The following GMEB1 variants were observed in gnomAD, a reference collection of about 807,000 sequenced individuals.
The protein encoded by GMEB1 is glucocorticoid modulatory element binding protein 1.
A neutral mutation model predicts 52.4 loss-of-function variants in GMEB1; 6 were observed. The ratio of observed to expected loss-of-function variants is 0.11; its 90% confidence interval spans 0.06 to 0.23. The LOEUF (loss-of-function observed/expected upper bound fraction) is 0.23, where lower values mean the gene tolerates loss of function less well. Ranked by LOEUF, GMEB1 falls within the 10% of genes least tolerant of loss-of-function variation. The pLI is 1.00. For synonymous variants in GMEB1, 255 were observed against 244.9 expected (o/e 1.04, Z -0.38); for missense variants, 486 against 685.6 (o/e 0.71, Z 3.25).
chr1:28,699,343 G>A (rs1432900461), intron 6 of GMEB1, among the ~76,000 whole-genome samples: 1 of 152,120 alleles, frequency 6.6e-6, no homozygotes, highest in Non-Finnish European at 1.5e-5. Flanking sequence ...CTCAACTACT[G>A]TTACAAGACT....
intron 9 of GMEB1, among the ~76,000 whole-genome samples, 178 bp downstream of exon 9, chr1:28,710,820 A>G (rs575055406): frequency 4.0e-4 from 60 of 151,884 alleles, no homozygotes; most frequent in Admixed American, 6.6e-4. Context: ...AAAGAGGCAC[A>G]AAGGAAAAAA....
intron 6 of GMEB1, 75 bp downstream of exon 6, chr1:28,697,159 GTACATATATATA>G (rs1557512833): frequency 1.6e-5 from 3 of 190,272 alleles, no homozygotes; most frequent in Non-Finnish European, 8.9e-6. Context: ...TCCCTTGTGT[GTACATATATATA>G]TATATATATA....
In GMEB1 at chr1:28,714,287, A is replaced by T. The variant is rs16837667; in HGVS notation, c.1206A>T (p.Pro402=). The part of the protein sequence containing the change: ...FTVISPITIT[P]VGQSFSMGNI... Reference sequence around the variant, plus strand: ...TCATCTCACCCATCACCATCACCCCAGTGGGTCAGTCATTTTCCATGGGCA... The same window carrying T: ...TCATCTCACCCATCACCATCACCCCTGTGGGTCAGTCATTTTCCATGGGCA... Residue 402 remains proline (P), a synonymous_variant, in exon 10 of 10, where the codon CCA becomes CCT. Transcript: ENST00000373816. 131 of 1,613,998 alleles carry T rather than the reference A, an allele frequency of 8.1e-5. No individual in the cohort carries two copies. The highest frequency in any genetic ancestry group is 1.1e-4 in the Non-Finnish European group (130 of 1,180,024).
chr1:28,690,121 C>G lies in GMEB1; in HGVS notation c.146C>G (p.Ser49Trp). The G allele has an allele frequency of 6.2e-7, 1 of 1,602,230 alleles. No individual in the cohort carries two copies. Among genetic ancestry groups the G allele is most frequent in the Non-Finnish European group, 8.5e-7 (1 of 1,173,832 alleles). ...PVQQGIYEAG[S>W]ENNTAVVAVE... The stretch of plus-strand genomic sequence containing the variant: ...TACAACAGGATTTATGAAGCTGGGT[C>G]GGAGAACAACACGGCAGTTGTAGCA... Residue 49 changes from serine (S) to tryptophan (W), a missense_variant, in exon 3 of 10, where the codon TCG becomes TGG. Transcript: ENST00000373816.
chr1:28,698,932 C>A (rs754450374), intron 6 of GMEB1, among the ~76,000 whole-genome samples: 2 of 151,860 alleles, frequency 1.3e-5, no homozygotes, highest in African/African-American at 4.8e-5. Context: ...TGCAGTGAGC[C>A]GAGATCGTCC....
intron 6 of GMEB1, among the ~76,000 whole-genome samples, chr1:28,698,497 A>G (rs1427955388): frequency 1.3e-5 from 2 of 150,978 alleles, no homozygotes; most frequent in Non-Finnish European, 2.9e-5. Flanking sequence ...AACACGGTGG[A>G]ACCCTGTCTC....
chr1:28,690,755 C>T (rs1350295049), intron 3 of GMEB1, among the ~76,000 whole-genome samples: 1 of 151,756 alleles, frequency 6.6e-6, no homozygotes. Context: ...CTGAGGCAGG[C>T]GGATCACCTG....
rs571199502 is a variant in GMEB1 at position 28,708,453 on chromosome 1, C to T, written c.869-2067C>T. ...TGCTGGGATTACAGGCATGAGCCACCGTGCCTGGCCCAATTTTGTTTTTTT... is the reference window on the plus strand; with the variant it reads ...TGCTGGGATTACAGGCATGAGCCACTGTGCCTGGCCCAATTTTGTTTTTTT... On this transcript the variant is annotated intron_variant, in intron 8 of 9. Coordinates refer to ENST00000373816, the MANE Select transcript of GMEB1 (RefSeq NM_001319674.2). Among the ~76,000 whole-genome samples, 17 of 151,724 alleles carry T rather than the reference C, an allele frequency of 1.1e-4. No individual in the cohort carries two copies. The East Asian group carries it at 1.4e-3, about 12-fold the overall frequency.
At chr1:28,693,087 G>C in intron 5 of GMEB1, 42 bp downstream of exon 5, 2 of 973,506 alleles carry the variant, frequency 2.1e-6, no homozygotes, top group Non-Finnish European at 1.5e-6. Flanking sequence ...ACAAACTTTG[G>C]GGCACATAAT....
At position 28,684,743 on chromosome 1, in the gene GMEB1, G is replaced by T. The variant is rs148306125; in HGVS notation, c.128+1003G>T. ...AACACACACTGGGGCCTGTTGGGGG[G>T]TGAGGGGGTGATGAGAGGGAACCTA... On this transcript the variant is annotated intron_variant, in intron 2 of 9. Transcript: ENST00000373816. 7.6e-3 allele frequency among the ~76,000 whole-genome samples: 1,158 copies of T among 152,108 alleles called. 20 individuals are homozygous for T. The highest frequency in any genetic ancestry group is 0.026 in the African/African-American group (1,064 of 41,492).
chr1:28,700,444 G>A (rs948398972), intron 6 of GMEB1, among the ~76,000 whole-genome samples: 3 of 151,372 alleles, frequency 2.0e-5, no homozygotes, highest in Non-Finnish European at 4.4e-5. Context: ...AACTCGGGAG[G>A]TGGAGCTTGC....
chr1:28,693,177 A>G lies in GMEB1; in HGVS notation c.440+132A>G, dbSNP rs1670041611. The G allele has an allele frequency of 9.7e-6, 4 of 410,874 alleles. No homozygotes were observed. In the East Asian group the frequency reaches 1.1e-4, roughly 12 times the overall value. The allele number at this position is 410,874 out of a possible 1,614,324, so 25.5% of individuals were successfully genotyped here. A position where few individuals can be genotyped will look rare whatever the true frequency, so the allele number is the denominator to read the frequency against. ...AATTGGCTTGAGCAATCCGTGCATT[A>G]TTTGACTTTAATCAACTTAAAAATC... On this transcript the variant is annotated intron_variant, in intron 5 of 9. Transcript: ENST00000373816.
Position 28,702,458 on chromosome 1 carries a change from A to C in GMEB1, c.619A>C (p.Ile207Leu). ...TTTAGGTAGCATCACGCAGATTGCC[A>C]TCTCAGAAGAGAGCATGGAAGAGGC... ...SADGSITQIA[I>L]SEESMEEAGL... Residue 207 changes from isoleucine to leucine, a missense_variant, in exon 7 of 10, where the codon ATC becomes CTC. Coordinates refer to ENST00000373816, the MANE Select transcript of GMEB1 (RefSeq NM_001319674.2). The C allele has an allele frequency of 6.2e-7, 1 of 1,613,706 alleles. No individual in the cohort carries two copies. The highest frequency in any genetic ancestry group is 2.2e-5 in the East Asian group (1 of 44,858).
At chr1:28,681,706 C>CT (rs966710916) in intron 1 of GMEB1, among the ~76,000 whole-genome samples, 5 of 151,058 alleles carry the variant, frequency 3.3e-5, no homozygotes, top group Admixed American at 6.6e-5. Context: ...TCTGACTACA[C>CT]TTTTTTTTTC....
At chr1:28,692,892 G>C (rs773698776) in intron 4 of GMEB1, 50 bp from the exon 5 acceptor site, 2 of 920,332 alleles carry the variant, frequency 2.2e-6, no homozygotes, top group South Asian at 1.5e-5. Context: ...TCCCCTCTTG[G>C]CCTGCCTAAG....
In GMEB1 at chr1:28,714,699, G is replaced by C. The variant is rs1427302235; in HGVS notation, c.1618G>C (p.Glu540Gln). 3 of 1,614,186 alleles carry C rather than the reference G, an allele frequency of 1.9e-6. No homozygotes were observed. The highest frequency in any genetic ancestry group is 1.7e-6 in the Non-Finnish European group (2 of 1,180,030). Residue 540 changes from glutamate (E) to glutamine (Q), a missense_variant, in exon 10 of 10, where the codon GAG becomes CAG. Coordinates refer to ENST00000373816, the MANE Select transcript of GMEB1 (RefSeq NM_001319674.2). ...VILETELRTEEKVVAEMEEHQ... is the reference protein window; with the variant it reads ...VILETELRTEQKVVAEMEEHQ... Reference sequence around the variant, plus strand: ...CTTGGAGACAGAGCTGAGGACTGAGGAGAAAGTTGTGGCTGAGATGGAAGA... The same window carrying C: ...CTTGGAGACAGAGCTGAGGACTGAGCAGAAAGTTGTGGCTGAGATGGAAGA...
chr1:28,714,885 AAC>A lies in GMEB1; in HGVS notation c.*114_*115del. 8 of 779,530 alleles carry A rather than the reference AAC, an allele frequency of 1.0e-5. No individual in the cohort carries two copies. The highest frequency in any genetic ancestry group is 1.6e-5 in the Non-Finnish European group (8 of 499,916). The allele number at this position is 779,530 out of a possible 1,614,324, so 48.3% of individuals were successfully genotyped here. A position where few individuals can be genotyped will look rare whatever the true frequency, so the allele number is the denominator to read the frequency against. ...TAGGACCCTTTTTTAAAAAAAAAAA[AAC>A]AAAATCTTATTGTTGTAACTGAAAA... On this transcript the variant is annotated 3_prime_UTR_variant, in exon 10 of 10. Transcript: ENST00000373816.
At chr1:28,696,905 C>G in intron 5 of GMEB1, 22 bp from the exon 6 acceptor site, 2 of 1,581,932 alleles carry the variant, frequency 1.3e-6, no homozygotes, top group South Asian at 1.2e-5. Context: ...TGAACTGGTA[C>G]TTCTTGTCTC....
At chr1:28,696,545 C>A (rs538071311) in intron 5 of GMEB1, among the ~76,000 whole-genome samples, 21 of 152,226 alleles carry the variant, frequency 1.4e-4, no homozygotes, top group African/African-American at 4.8e-4. Flanking sequence ...CATGGTTTTG[C>A]TCATGTCCTA....
Sources: gnomAD v4.1 joint callset for allele counts (sites outside exome capture counted in the v4.1 genomes callset) on GRCh38, gnomAD v4.1.1 for gene constraint, MANE v1.5 for transcripts, NCBI Gene and HGNC (gene_info 2026-07-23, HGNC 2026-07-21) for gene names.